BAZ1B: variants seen among roughly 807,000 people sequenced by gnomAD.
The protein encoded by BAZ1B is tyrosine-protein kinase BAZ1B.
BAZ1B carries 22 observed loss-of-function variants against 153.8 expected under a neutral mutation model. The ratio of observed to expected loss-of-function variants is 0.14; its 90% confidence interval spans 0.10 to 0.20. The LOEUF (loss-of-function observed/expected upper bound fraction) is 0.20, where lower values mean the gene tolerates loss of function less well. BAZ1B is among the 10% of genes least tolerant of loss of function. The probability of loss-of-function intolerance (pLI) is 1.00; values close to 1 mark genes in which losing one functional copy is unlikely to be tolerated. For synonymous variants in BAZ1B, 676 were observed against 633.4 expected, an observed-to-expected ratio of 1.07 and a Z score of -1.01; for missense variants, 1,325 against 1,799.3, an observed-to-expected ratio of 0.74 and a Z score of 4.77.
At position 73,470,480 on chromosome 7, in the gene BAZ1B, T is replaced by C. The variant is rs1788758348; in HGVS notation, c.2597A>G (p.Lys866Arg). Residue 866 changes from lysine to arginine, a missense_variant, in exon 8 of 20, where the codon AAA becomes AGA. Physicochemically the swap from Lys to Arg is conservative, Grantham distance 26. Around this residue, in one of 9 missense-constraint regions of BAZ1B, gnomAD observed 431 missense variants for 563.5 expected, o/e 0.76. Transcript: ENST00000339594. ...TTCTTCTTCAGCTTGGCGTTCCAGT[T>C]TCACTGTTAAAAATAAAAAGACTCA... is the stretch of plus-strand genomic sequence containing the variant. ...REIQEREMKV[K>R]LERQAEEERI... 1 of 1,611,336 alleles carries C rather than the reference T, an allele frequency of 6.2e-7. No individual in the cohort carries two copies. The highest frequency in any genetic ancestry group is 8.5e-7 in the Non-Finnish European group (1 of 1,179,288).
intron 4 of BAZ1B, among the ~76,000 whole-genome samples, chr7:73,495,615 C>T (rs1554576268): frequency 1.3e-5 from 2 of 152,144 alleles, no homozygotes; most frequent in East Asian, 1.9e-4. Flanking sequence ...TTCACAATAG[C>T]AAAGACACAG....
chr7:73,462,518 C>T, intron 12 of BAZ1B: 1 of 239,776 alleles, frequency 4.2e-6, no homozygotes, highest in Non-Finnish European at 8.2e-6. Flanking sequence ...ATGAGTGATG[C>T]CCAACATAAA....
intron 7 of BAZ1B, among the ~76,000 whole-genome samples, chr7:73,470,994 C>A (rs1252885035): frequency 1.3e-5 from 2 of 152,194 alleles, no homozygotes; most frequent in African/African-American, 4.8e-5. Flanking sequence ...CTCGGCCCCT[C>A]AAAGTGCTGG....
intron 1 of BAZ1B, among the ~76,000 whole-genome samples, chr7:73,519,953 A>C (rs529347692): frequency 6.6e-6 from 1 of 152,268 alleles, no homozygotes; most frequent in East Asian, 1.9e-4. Context: ...ACGCCTGTTA[A>C]TCCCAGTACT....
intron 13 of BAZ1B, among the ~76,000 whole-genome samples, chr7:73,458,484 T>C (rs1301297109): frequency 6.6e-6 from 1 of 152,112 alleles, no homozygotes; most frequent in Non-Finnish European, 1.5e-5. Flanking sequence ...GAGACCAACC[T>C]AGCCAACATG....
chr7:73,451,858 C>G (rs1000775079), intron 13 of BAZ1B, among the ~76,000 whole-genome samples: 4 of 152,206 alleles, frequency 2.6e-5, no homozygotes, highest in Non-Finnish European at 5.9e-5. Flanking sequence ...ACTGCAGATT[C>G]TCTTCTTGAG....
intron 13 of BAZ1B, among the ~76,000 whole-genome samples, chr7:73,457,570 T>C (rs1563368119): frequency 1.3e-5 from 2 of 152,184 alleles, no homozygotes; most frequent in Admixed American, 6.5e-5. Context: ...CAAAATGTGG[T>C]ACATAGAGAC....
At chr7:73,509,068 T>A (rs1228427223) in intron 2 of BAZ1B, among the ~76,000 whole-genome samples, 1 of 149,624 alleles carries the variant, frequency 6.7e-6, no homozygotes, top group Admixed American at 6.7e-5. Context: ...ACACCTGTAA[T>A]CCTAGCACTT....
chr7:73,441,942 C>T (rs782436014), intron 19 of BAZ1B: 17 of 511,884 alleles, frequency 3.3e-5, no homozygotes, highest in Non-Finnish European at 5.9e-5. Flanking sequence ...AAAGCTAGAC[C>T]CTCGGACTCC....
chr7:73,470,244 GAA>G (rs142502996), intron 8 of BAZ1B, 99 bp downstream of exon 8: 76,577 of 1,266,168 alleles, frequency 0.06, 2,550 homozygotes, highest in Non-Finnish European at 0.07. Context: ...TTGGAAAACT[GAA>G]GAGAGAAGCT....
chr7:73,496,214 T>C (rs1789882917), intron 4 of BAZ1B, among the ~76,000 whole-genome samples: 1 of 152,106 alleles, frequency 6.6e-6, no homozygotes, highest in Non-Finnish European at 1.5e-5. Context: ...CCTCAAGGAA[T>C]TGCAAGTAAT....
intron 16 of BAZ1B, among the ~76,000 whole-genome samples, chr7:73,445,839 C>A (rs1160249276): frequency 6.6e-6 from 1 of 152,106 alleles, no homozygotes; most frequent in Non-Finnish European, 1.5e-5. Flanking sequence ...CTAGCCTGGG[C>A]AACAGAGAAA....
At chr7:73,462,880 G>GT (rs782675126) in intron 12 of BAZ1B, 42 bp downstream of exon 12, 1 of 1,596,688 alleles carries the variant, frequency 6.3e-7, no homozygotes, top group South Asian at 1.1e-5. Flanking sequence ...TTCAGATTGA[G>GT]TTGCCATGAG....
intron 2 of BAZ1B, among the ~76,000 whole-genome samples, chr7:73,509,021 A>G (rs1181792541): frequency 2.7e-5 from 4 of 148,762 alleles, no homozygotes; most frequent in Admixed American, 1.3e-4. Flanking sequence ...TCAAAAAAAA[A>G]AAAAAAGACT....
rs1788756984 is a variant in BAZ1B, at chr7:73,470,452, T to C, written c.2625A>G (p.Arg875=). Residue 875 remains arginine (R), a synonymous_variant, in exon 8 of 20, where the codon CGA becomes CGG. Transcript: ENST00000339594. ...CAGCAGCTGCTTTGTGCTTCCGTATTCGTTCTTCTTCAGCTTGGCGTTCCA... is the reference window on the plus strand; with the variant it reads ...CAGCAGCTGCTTTGTGCTTCCGTATCCGTTCTTCTTCAGCTTGGCGTTCCA... ...VKLERQAEEE[R]IRKHKAAAEK... 6.2e-7 allele frequency: 1 copy of C among 1,613,910 alleles called. No homozygotes were observed. Among genetic ancestry groups the C allele is most frequent in the Non-Finnish European group, 8.5e-7 (1 of 1,179,968 alleles).
At chr7:73,514,610 G>A (rs1473047125) in intron 1 of BAZ1B, among the ~76,000 whole-genome samples, 2 of 151,358 alleles carry the variant, frequency 1.3e-5, no homozygotes, top group Non-Finnish European at 2.9e-5. Flanking sequence ...AGGAGTTCAA[G>A]AGCAGCCTGG....
intron 16 of BAZ1B, among the ~76,000 whole-genome samples, chr7:73,445,110 G>A (rs1342755874): frequency 6.6e-6 from 1 of 152,110 alleles, no homozygotes; most frequent in Non-Finnish European, 1.5e-5. Context: ...AAGCCAACTG[G>A]CATTCCTCAG....
intron 15 of BAZ1B, among the ~76,000 whole-genome samples, chr7:73,448,324 G>C (rs1265911981): frequency 6.6e-6 from 1 of 152,160 alleles, no homozygotes; most frequent in African/African-American, 2.4e-5. Context: ...GCCCAAGCCA[G>C]AGTACCTATA....
intron 11 of BAZ1B, among the ~76,000 whole-genome samples, chr7:73,464,904 GTTTT>G (rs34551438): frequency 1.4e-5 from 2 of 144,638 alleles, no homozygotes; most frequent in Admixed American, 7.0e-5. Flanking sequence ...TTTTTGTTTT[GTTTT>G]TTTTTTTCAG....
Sources: allele counts gnomAD v4.1 joint callset (sites outside exome capture counted in the v4.1 genomes callset), GRCh38; gene constraint gnomAD v4.1.1; regional missense constraint gnomAD v4.1.1; transcripts MANE v1.5; gene names NCBI Gene and HGNC (gene_info 2026-07-23, HGNC 2026-07-21).